The following CLDN14 variants were observed in gnomAD, a reference collection of about 807,000 sequenced individuals.
The protein encoded by CLDN14 is claudin-14.
CLDN14 carries 2 observed loss-of-function variants against 2.1 expected under a neutral mutation model. The observed-to-expected ratio is 0.96, with a 90% CI of 0.39 to 3.01. CLDN14 has a LOEUF of 3.01. CLDN14 is among the 30% of genes most tolerant of loss of function. The pLI is 0.09. For synonymous variants in CLDN14, 136 were observed against 154.4 expected, an observed-to-expected ratio of 0.88 and a Z score of 0.88; for missense variants, 298 against 328.0, an observed-to-expected ratio of 0.91 and a Z score of 0.71.
At chr21:36,519,844 A>G (rs2087257179) in intron 1 of CLDN14, among the ~76,000 whole-genome samples, 1 of 152,112 alleles carries the variant, frequency 6.6e-6, no homozygotes, top group Admixed American at 6.5e-5. Flanking sequence ...CCTTCCAAAC[A>G]CTCAGCCCAG....
chr21:36,481,893 G>A (rs901117047), upstream of CLDN14, among the ~76,000 whole-genome samples: 1 of 152,194 alleles, frequency 6.6e-6, no homozygotes, highest in Non-Finnish European at 1.5e-5. Flanking sequence ...CAGGGAGCCT[G>A]GCTAGCACTA....
chr21:36,489,711 C>T (rs922560620), intron 2 of CLDN14, among the ~76,000 whole-genome samples: 7 of 152,230 alleles, frequency 4.6e-5, no homozygotes, highest in Admixed American at 1.3e-4. Flanking sequence ...CTTATAATTT[C>T]CTAAGCACGT....
At position 36,560,052 on chromosome 21, in the gene CLDN14, G is replaced by A. The variant is rs185027360; in HGVS notation, c.-220+16359C>T. On this transcript the variant is annotated intron_variant, in intron 1 of 2. Coordinates refer to the CLDN14 transcript ENST00000342108. Reference sequence around the variant, plus strand: ...AGTCACAAGTGTTTGACTTAGAAATGTACATAGTGTAGCAAATTTTTAAAG... The same window carrying A: ...AGTCACAAGTGTTTGACTTAGAAATATACATAGTGTAGCAAATTTTTAAAG... Among the ~76,000 whole-genome samples the A allele has an allele frequency of 1.5e-4, 23 of 152,320 alleles. 1 individual carries two copies. The highest frequency in any genetic ancestry group is 9.8e-4 in the Admixed American group (15 of 15,294).
At chr21:36,534,978 G>A (rs546657070) in intron 1 of CLDN14, among the ~76,000 whole-genome samples, 1 of 152,226 alleles carries the variant, frequency 6.6e-6, no homozygotes, top group African/African-American at 2.4e-5. Flanking sequence ...ATTATGGCTA[G>A]GGAAGTGTGA....
chr21:36,574,961 A>C (rs540652329), intron 1 of CLDN14, among the ~76,000 whole-genome samples: 1 of 152,174 alleles, frequency 6.6e-6, no homozygotes, highest in Non-Finnish European at 1.5e-5. Flanking sequence ...ACTGGCAGAG[A>C]TGATTTTAAG....
intron 2 of CLDN14, chr21:36,485,904 G>T: frequency 1.3e-6 from 1 of 753,584 alleles, no homozygotes; most frequent in Non-Finnish European, 2.1e-6. Context: ...AATGGTTACA[G>T]ATAACACACA....
intron 1 of CLDN14, 128 bp from the exon 2 acceptor site, chr21:36,461,904 C>G: frequency 1.5e-6 from 1 of 649,552 alleles, no homozygotes; most frequent in South Asian, 1.9e-5. Flanking sequence ...AGCATGTTCT[C>G]AAAAATAGTT....
At chr21:36,502,574 C>T (rs1171172019) in intron 2 of CLDN14, among the ~76,000 whole-genome samples, 4 of 152,240 alleles carry the variant, frequency 2.6e-5, no homozygotes, top group African/African-American at 9.6e-5. Context: ...TACTGTTTTA[C>T]ACTTCATCAG....
chr21:36,554,086 C>T (rs1049126545), intron 1 of CLDN14, among the ~76,000 whole-genome samples: 7 of 152,114 alleles, frequency 4.6e-5, no homozygotes, highest in South Asian at 2.1e-4. Context: ...CAAGTCCATG[C>T]CTCTGTCTGT....
intron 2 of CLDN14, among the ~76,000 whole-genome samples, chr21:36,503,023 C>T (rs903196757): frequency 5.3e-5 from 8 of 152,154 alleles, no homozygotes; most frequent in Admixed American, 1.3e-4. Flanking sequence ...AACATGCAGC[C>T]AGCTTGAGAA....
chr21:36,563,731 T>C (rs2087653635), intron 1 of CLDN14, among the ~76,000 whole-genome samples: 1 of 152,138 alleles, frequency 6.6e-6, no homozygotes, highest in African/African-American at 2.4e-5. Flanking sequence ...ATAGTGGAGA[T>C]GCGAAAGACA....
chr21:36,532,461 G>C (rs2087388999), intron 1 of CLDN14: 1 of 151,964 alleles, frequency 6.6e-6, no homozygotes, highest in Non-Finnish European at 1.5e-5. Flanking sequence ...TGGGGGGAGT[G>C]GGGAGGGATA....
chr21:36,491,373 A>C (rs1453534236), intron 2 of CLDN14, among the ~76,000 whole-genome samples: 1 of 152,182 alleles, frequency 6.6e-6, no homozygotes, highest in East Asian at 1.9e-4. Flanking sequence ...AGAAAACAAG[A>C]AGCAACACAC....
At chr21:36,547,729 C>G (rs2087535611) in intron 1 of CLDN14, among the ~76,000 whole-genome samples, 1 of 152,176 alleles carries the variant, frequency 6.6e-6, no homozygotes, top group Admixed American at 6.5e-5. Flanking sequence ...GGGCTGGGAG[C>G]CGCCTGCAGC....
intron 1 of CLDN14, among the ~76,000 whole-genome samples, chr21:36,534,480 C>G (rs2087408733): frequency 6.6e-6 from 1 of 152,136 alleles, no homozygotes; most frequent in Non-Finnish European, 1.5e-5. Flanking sequence ...TAGGACAACT[C>G]CCCGTCACAT....
At chr21:36,509,994 C>T (rs990146972) in intron 2 of CLDN14, among the ~76,000 whole-genome samples, 3 of 152,186 alleles carry the variant, frequency 2.0e-5, no homozygotes, top group South Asian at 2.1e-4. Flanking sequence ...AGGTTTAGTG[C>T]CCTACCATAG....
intron 2 of CLDN14, among the ~76,000 whole-genome samples, chr21:36,490,083 G>T (rs549393436): frequency 4.6e-4 from 70 of 152,370 alleles, no homozygotes; most frequent in African/African-American, 1.4e-3. Context: ...CATCTCTCTA[G>T]ATTGCCACGG....
At chr21:36,469,394 C>G (rs56183874) in intron 1 of CLDN14, among the ~76,000 whole-genome samples, 2 of 151,932 alleles carry the variant, frequency 1.3e-5, no homozygotes, top group Non-Finnish European at 2.9e-5. Flanking sequence ...CTATACCATC[C>G]GCATAGAGTC....
intron 1 of CLDN14, among the ~76,000 whole-genome samples, chr21:36,528,738 G>T (rs1356068621): frequency 3.3e-5 from 5 of 152,244 alleles, no homozygotes; most frequent in African/African-American, 9.6e-5. Context: ...CTTTTCCTCA[G>T]TGAAAGAATC....
Sources: gnomAD v4.1 joint callset for allele counts (sites outside exome capture counted in the v4.1 genomes callset) on GRCh38, gnomAD v4.1.1 for gene constraint, MANE v1.5 for transcripts, NCBI Gene and HGNC (gene_info 2026-07-23, HGNC 2026-07-21) for gene names.